Variants in SHISAL2A observed in about 807,000 individuals in gnomAD.
SHISAL2A encodes the protein shisa like 2A, also known as protein shisa-like-2A.
Under a neutral mutation model 11.5 loss-of-function variants are expected in SHISAL2A, and 18 were observed. The observed-to-expected ratio is 1.57, with a 90% CI of 1.08 to 2.33. The LOEUF is 2.33. SHISAL2A is among the 30% of genes most tolerant of loss of function. The pLI is 0.00. For missense variants in SHISAL2A, 261 were observed against 250.9 expected (o/e 1.04, Z -0.27); for synonymous variants, 94 against 99.6 (o/e 0.94, Z 0.34).
intron 4 of SHISAL2A, among the ~76,000 whole-genome samples, chr1:52,665,919 T>TGTGCATGTGTGAGC (rs992451304): frequency 3.3e-5 from 5 of 152,196 alleles, no homozygotes; most frequent in African/African-American, 1.2e-4. Flanking sequence ...TGTAGCAGCG[T>TGTGCATGTGTGAGC]GTGCATGTGT....
intron 1 of SHISAL2A, among the ~76,000 whole-genome samples, chr1:52,634,018 C>T (rs1436312929): frequency 2.6e-5 from 4 of 152,046 alleles, no homozygotes; most frequent in Admixed American, 2.6e-4. Flanking sequence ...CATCTTCAAA[C>T]ATTCACAGGC....
At chr1:52,650,869 T>C (rs974158204) in intron 2 of SHISAL2A, among the ~76,000 whole-genome samples, 2 of 151,854 alleles carry the variant, frequency 1.3e-5, no homozygotes, top group Admixed American at 1.3e-4. Context: ...GGTCTTGAAC[T>C]CCTGACCCCA....
intron 2 of SHISAL2A, among the ~76,000 whole-genome samples, chr1:52,644,551 C>A (rs921786113): frequency 6.6e-6 from 1 of 151,416 alleles, no homozygotes; most frequent in African/African-American, 2.4e-5. Flanking sequence ...ATGGCAAAAC[C>A]CTGTCTCTAC....
intron 1 of SHISAL2A, among the ~76,000 whole-genome samples, chr1:52,640,914 C>G (rs185452825): frequency 1.4e-3 from 207 of 152,266 alleles, no homozygotes; most frequent in African/African-American, 4.8e-3. Context: ...CCACCTCACT[C>G]CAACCTCCAG....
intron 2 of SHISAL2A, among the ~76,000 whole-genome samples, chr1:52,652,076 G>A (rs1691661254): frequency 2.0e-5 from 3 of 152,188 alleles, no homozygotes; most frequent in African/African-American, 7.2e-5. Flanking sequence ...ATGTGAGATG[G>A]ACTTTGACCA....
intron 2 of SHISAL2A, among the ~76,000 whole-genome samples, chr1:52,644,823 CTGGCTAATGCGGTGAAAACA>C (rs1691458774): frequency 6.6e-6 from 1 of 151,964 alleles, no homozygotes; most frequent in Non-Finnish European, 1.5e-5. Context: ...CGAGACCATC[CTGGCTAATGCGGTGAAAACA>C]TGTCTCTACT....
At chr1:52,650,650 T>TC (rs2149885540) in intron 2 of SHISAL2A, among the ~76,000 whole-genome samples, 1 of 141,396 alleles carries the variant, frequency 7.1e-6, no homozygotes, top group Admixed American at 7.2e-5. Flanking sequence ...ACCCTTTTTT[T>TC]TTTTTTTTTT....
At chr1:52,642,428 A>ATTT (rs113827358) in intron 1 of SHISAL2A, among the ~76,000 whole-genome samples, 76 of 145,898 alleles carry the variant, frequency 5.2e-4, no homozygotes, top group African/African-American at 1.2e-3. Flanking sequence ...CACAACACTA[A>ATTT]TTTTTTTTTT....
At chr1:52,639,596 A>T (rs1691313878) in intron 1 of SHISAL2A, among the ~76,000 whole-genome samples, 1 of 151,824 alleles carries the variant, frequency 6.6e-6, no homozygotes, top group African/African-American at 2.4e-5. Context: ...TATTAAAATT[A>T]CAAAAAATTA....
intron 4 of SHISAL2A, among the ~76,000 whole-genome samples, chr1:52,666,212 A>G (rs1008422760): frequency 3.9e-5 from 6 of 152,080 alleles, no homozygotes; most frequent in Non-Finnish European, 7.4e-5. Flanking sequence ...AACACTTTGG[A>G]CGACTGAGAC....
chr1:52,634,832 G>A (rs1691205939), intron 1 of SHISAL2A, among the ~76,000 whole-genome samples: 1 of 152,144 alleles, frequency 6.6e-6, no homozygotes, highest in Admixed American at 6.5e-5. Flanking sequence ...TCTATCAAAC[G>A]GGCAGTAGGA....
At chr1:52,663,137 T>C (rs1389902971) in intron 4 of SHISAL2A, among the ~76,000 whole-genome samples, 2 of 152,002 alleles carry the variant, frequency 1.3e-5, no homozygotes, top group Non-Finnish European at 2.9e-5. Context: ...CACCCCTCCC[T>C]CTTCTCCATC....
At chr1:52,650,844 T>G (rs1691624633) in intron 2 of SHISAL2A, among the ~76,000 whole-genome samples, 1 of 151,762 alleles carries the variant, frequency 6.6e-6, no homozygotes, top group Non-Finnish European at 1.5e-5. Flanking sequence ...GGGGTTTCAC[T>G]GTGTTAGCCA....
intron 1 of SHISAL2A, among the ~76,000 whole-genome samples, chr1:52,634,752 G>A (rs1197965030): frequency 6.6e-6 from 1 of 152,166 alleles, no homozygotes; most frequent in Non-Finnish European, 1.5e-5. Flanking sequence ...ATGAGCAGAG[G>A]CTGCTGCCCT....
intron 2 of SHISAL2A, among the ~76,000 whole-genome samples, chr1:52,652,525 A>G (rs1027781149): frequency 1.3e-5 from 2 of 152,158 alleles, no homozygotes; most frequent in Non-Finnish European, 2.9e-5. Flanking sequence ...GAAAAGGCTA[A>G]ATATGGGATT....
intron 1 of SHISAL2A, among the ~76,000 whole-genome samples, chr1:52,634,701 G>C (rs1691202788): frequency 6.6e-6 from 1 of 152,158 alleles, no homozygotes; most frequent in African/African-American, 2.4e-5. Context: ...AATTGAGTGG[G>C]CCATCTCAGT....
chr1:52,653,317 AGGGTATGGTGGCAT>A (rs999679321), intron 2 of SHISAL2A, among the ~76,000 whole-genome samples: 4 of 130,350 alleles, frequency 3.1e-5, no homozygotes, highest in Non-Finnish European at 4.8e-5. Context: ...AAAAAAAAGC[AGGGTATGGTGGCAT>A]GTGCCTGTAG....
At chr1:52,649,258 T>C (rs1233538700) in intron 2 of SHISAL2A, among the ~76,000 whole-genome samples, 1 of 152,156 alleles carries the variant, frequency 6.6e-6, no homozygotes, top group African/African-American at 2.4e-5. Flanking sequence ...TGCGCTTCAA[T>C]AGGACATGGA....
At chr1:52,644,824 T>C (rs916035052) in intron 2 of SHISAL2A, among the ~76,000 whole-genome samples, 3 of 152,030 alleles carry the variant, frequency 2.0e-5, no homozygotes, top group Non-Finnish European at 4.4e-5. Flanking sequence ...GAGACCATCC[T>C]GGCTAATGCG....
Sources: allele counts gnomAD v4.1 joint callset (sites outside exome capture counted in the v4.1 genomes callset), GRCh38; gene constraint gnomAD v4.1.1; transcripts MANE v1.5; gene names NCBI Gene and HGNC (gene_info 2026-07-23, HGNC 2026-07-21).